The following SLC25A20 variants were observed in gnomAD, a reference collection of about 807,000 sequenced individuals.
The protein encoded by SLC25A20 is mitochondrial carnitine/acylcarnitine carrier protein.
A neutral mutation model predicts 39.7 loss-of-function variants in SLC25A20; 29 were observed. That is an observed-to-expected ratio of 0.73 (90% CI 0.54 to 1.00). SLC25A20 has a LOEUF of 1.00. SLC25A20 is among the 50% of genes least tolerant of loss of function. SLC25A20 has a pLI of 0.00. For synonymous variants in SLC25A20, 103 were observed against 142.2 expected (o/e 0.72, Z 1.96); for missense variants, 333 against 379.9 (o/e 0.88, Z 1.03).
At chr3:48,860,915 C>T (rs1208804060) in intron 5 of SLC25A20, among the ~76,000 whole-genome samples, 1 of 149,790 alleles carries the variant, frequency 6.7e-6, no homozygotes, top group Admixed American at 6.7e-5. Flanking sequence ...CTCACTGCAA[C>T]CTCTGCCTCC....
Position 48,859,122 on chromosome 3 carries a change from G to C in SLC25A20, c.688C>G (p.Pro230Ala), listed in dbSNP as rs1352359319. ...TGGAATCGAGACTTGAGCACATCTG[G>C]GGGGATTGCCACAGCCCAGTTGAAG... The part of the protein sequence containing the change: ...GIFNWAVAIP[P>A]DVLKSRFQTA... The change falls in exon 7 of 9, where the codon CCA becomes GCA. Residue 230 changes from proline (P) to alanine (A), a missense_variant. Transcript: ENST00000319017. 1 of 1,613,966 alleles carries C rather than the reference G, an allele frequency of 6.2e-7. No homozygotes were observed. The highest frequency in any genetic ancestry group is 2.2e-5 in the East Asian group (1 of 44,870).
chr3:48,896,344 A>G (rs567792881), intron 1 of SLC25A20, among the ~76,000 whole-genome samples: 1 of 151,330 alleles, frequency 6.6e-6, no homozygotes, highest in South Asian at 2.1e-4. Context: ...TAATTTTTGT[A>G]TTTTTTATAG....
At chr3:48,883,570 A>G (rs985351268) in intron 3 of SLC25A20, among the ~76,000 whole-genome samples, 1 of 149,782 alleles carries the variant, frequency 6.7e-6, no homozygotes, top group Non-Finnish European at 1.5e-5. Flanking sequence ...AAGAAAAAAA[A>G]AACTCCCAGG....
intron 4 of SLC25A20, among the ~76,000 whole-genome samples, chr3:48,863,499 G>T (rs1477943243): frequency 1.3e-5 from 2 of 152,142 alleles, no homozygotes; most frequent in Admixed American, 1.3e-4. Flanking sequence ...GAACCTGGGG[G>T]TAGGCAGGGG....
At chr3:48,864,376 AGCAAC>A (rs2083650350) in intron 4 of SLC25A20, among the ~76,000 whole-genome samples, 1 of 120,884 alleles carries the variant, frequency 8.3e-6, no homozygotes, top group African/African-American at 3.1e-5. Context: ...AAAAAAAAAA[AGCAAC>A]AAATATGTGA....
At chr3:48,872,699 A>AG (rs902764400) in intron 4 of SLC25A20, among the ~76,000 whole-genome samples, 5 of 151,744 alleles carry the variant, frequency 3.3e-5, no homozygotes, top group African/African-American at 1.2e-4. Context: ...AAAAAAAAAA[A>AG]AAAAAGGTGT....
intron 2 of SLC25A20, among the ~76,000 whole-genome samples, chr3:48,891,727 C>T (rs1329613860): frequency 6.6e-6 from 1 of 152,118 alleles, no homozygotes; most frequent in Admixed American, 6.6e-5. Context: ...AGTTCTCCGT[C>T]GTCTAAATTC....
intron 3 of SLC25A20, among the ~76,000 whole-genome samples, chr3:48,883,031 C>A (rs1231400813): frequency 2.1e-5 from 3 of 142,476 alleles, no homozygotes; most frequent in Non-Finnish European, 3.1e-5. Flanking sequence ...ACTAAAAATA[C>A]AAAAAAAAAA....
rs569860923 is a variant in SLC25A20 at position 48,858,847 on chromosome 3, G to A, written c.719-216C>T. Reference sequence around the variant, plus strand: ...GGAAGAAGAATGAAACAGCCCTTCTGTTCATGTGGGGGAGGAAGAGTGGAC... The same window carrying A: ...GGAAGAAGAATGAAACAGCCCTTCTATTCATGTGGGGGAGGAAGAGTGGAC... On this transcript the variant is annotated intron_variant, in intron 7 of 8. Transcript: ENST00000319017. 2.0e-5 allele frequency among the ~76,000 whole-genome samples: 3 copies of A among 152,296 alleles called. No homozygotes were observed. The East Asian group carries it at 5.8e-4, about 29-fold the overall frequency.
intron 4 of SLC25A20, among the ~76,000 whole-genome samples, chr3:48,878,532 G>C (rs376743006): frequency 6.6e-6 from 1 of 151,770 alleles, no homozygotes; most frequent in Non-Finnish European, 1.5e-5. Context: ...GGGCGTGGTG[G>C]CTCACACCTG....
intron 4 of SLC25A20, among the ~76,000 whole-genome samples, chr3:48,873,552 T>C (rs1292326626): frequency 6.8e-6 from 1 of 147,610 alleles, no homozygotes; most frequent in Non-Finnish European, 1.5e-5. Context: ...GAGGCTGCAG[T>C]GAGGAGAGAT....
chr3:48,879,537 G>C (rs2083784641), intron 3 of SLC25A20, 89 bp from the exon 4 acceptor site: 2 of 880,416 alleles, frequency 2.3e-6, no homozygotes, highest in African/African-American at 3.3e-5. Flanking sequence ...AGTTTTGTAA[G>C]AAAAAAAATA....
Position 48,871,792 on chromosome 3 carries a change from A to G in SLC25A20, c.417+7566T>C, listed in dbSNP as rs1697130640. ...TCAAAAAAAAAAAAAAAAAAGAGAG[A>G]GAGAGAAACAAATCACACAAATATG... On this transcript the variant is annotated intron_variant, in intron 4 of 8. Coordinates refer to ENST00000319017, the MANE Select transcript of SLC25A20 (RefSeq NM_000387.6). Among the ~76,000 whole-genome samples the G allele has an allele frequency of 2.0e-5, 3 of 148,814 alleles. No homozygotes were observed. In the East Asian group the frequency reaches 5.9e-4, roughly 29 times the overall value.
intron 4 of SLC25A20, among the ~76,000 whole-genome samples, chr3:48,865,414 C>T (rs2083658561): frequency 6.6e-6 from 1 of 151,934 alleles, no homozygotes; most frequent in Non-Finnish European, 1.5e-5. Flanking sequence ...GCGTGAGCCA[C>T]AGCGCCCACA....
chr3:48,867,426 TG>T (rs1559665559), intron 4 of SLC25A20, among the ~76,000 whole-genome samples: 54 of 144,718 alleles, frequency 3.7e-4, no homozygotes, highest in Middle Eastern at 3.5e-3. Context: ...TTTTTTTTTT[TG>T]TATTTTTAGT....
At chr3:48,877,191 G>T (rs969168244) in intron 4 of SLC25A20, among the ~76,000 whole-genome samples, 1 of 151,966 alleles carries the variant, frequency 6.6e-6, no homozygotes, top group African/African-American at 2.4e-5. Context: ...GAGTCAGGCG[G>T]ATCACCTGAG....
intron 2 of SLC25A20, among the ~76,000 whole-genome samples, chr3:48,886,438 C>T (rs1435396741): frequency 1.3e-5 from 2 of 151,924 alleles, no homozygotes; most frequent in Admixed American, 6.6e-5. Flanking sequence ...GCAGGAGGAT[C>T]GCTTGAACCG....
intron 4 of SLC25A20, among the ~76,000 whole-genome samples, chr3:48,865,220 T>C (rs564878551): frequency 5.9e-5 from 9 of 151,812 alleles, no homozygotes; most frequent in Admixed American, 2.6e-4. Flanking sequence ...CTCCGCCTCC[T>C]GGGTTCAAGT....
chr3:48,874,866 G>A (rs1334797947), intron 4 of SLC25A20, among the ~76,000 whole-genome samples: 1 of 151,318 alleles, frequency 6.6e-6, no homozygotes, highest in Non-Finnish European at 1.5e-5. Flanking sequence ...GGCCAACATG[G>A]TGAGACCCCC....
Sources: gnomAD v4.1 joint callset for allele counts (sites outside exome capture counted in the v4.1 genomes callset) on GRCh38, gnomAD v4.1.1 for gene constraint, MANE v1.5 for transcripts, NCBI Gene and HGNC (gene_info 2026-07-23, HGNC 2026-07-21) for gene names.